Variants in LRRC74A observed in about 807,000 individuals in gnomAD.
The protein encoded by LRRC74A is leucine rich repeat containing 74A, also known as leucine-rich repeat-containing protein 74A.
A neutral mutation model predicts 57.9 loss-of-function variants in LRRC74A; 44 were observed. The ratio of observed to expected loss-of-function variants is 0.76; its 90% CI spans 0.60 to 0.98. LRRC74A has a LOEUF of 0.98. Among genes scored for constraint, LRRC74A ranks in the 50% least tolerant of loss-of-function variants. The pLI is 0.00. For synonymous variants in LRRC74A, 211 were observed against 219.4 expected, an observed-to-expected ratio of 0.96 and a Z score of 0.34; for missense variants, 572 against 574.0, an observed-to-expected ratio of 1.00 and a Z score of 0.04.
intron 11 of LRRC74A, among the ~76,000 whole-genome samples, chr14:76,864,410 A>AGGGGGGGGGGGGGG (rs533189641): frequency 2.0e-5 from 1 of 50,220 alleles, no homozygotes. Flanking sequence ...AGTGAGAGGA[A>AGGGGGGGGGGGGGG]GGGGGGGGGG....
intron 5 of LRRC74A, among the ~76,000 whole-genome samples, chr14:76,844,065 C>T (rs1383924774): frequency 6.6e-6 from 1 of 152,208 alleles, no homozygotes; most frequent in Non-Finnish European, 1.5e-5. Flanking sequence ...GTGGCACCAA[C>T]ATGGCACACT....
intron 10 of LRRC74A, among the ~76,000 whole-genome samples, chr14:76,858,067 A>C (rs1898033556): frequency 6.6e-6 from 1 of 152,172 alleles, no homozygotes; most frequent in Non-Finnish European, 1.5e-5. Context: ...TTTTTCCCAA[A>C]GTGATTTTAT....
intron 10 of LRRC74A, 34 bp downstream of exon 10, chr14:76,857,509 G>A: frequency 6.9e-7 from 1 of 1,440,550 alleles, no homozygotes; most frequent in Non-Finnish European, 9.5e-7. Flanking sequence ...TTGCGTCTGG[G>A]CACAAGCCAG....
At chr14:76,865,655 C>T (rs2140313270) in intron 11 of LRRC74A, among the ~76,000 whole-genome samples, 1 of 152,350 alleles carries the variant, frequency 6.6e-6, no homozygotes, top group African/African-American at 2.4e-5. Context: ...CCTGAACAGC[C>T]TTGACTTCAG....
At chr14:76,867,164 G>GGTGTGTGT (rs376880369) in intron 12 of LRRC74A, among the ~76,000 whole-genome samples, 192 bp from the exon 13 acceptor site, 2 of 3,284 alleles carry the variant, frequency 6.1e-4, no homozygotes, top group East Asian at 0.031. Flanking sequence ...TTGGGGGTGG[G>GGTGTGTGT]GTGTGTGGTA....
chr14:76,857,309 G>A lies in LRRC74A; in HGVS notation c.958-71G>A, dbSNP rs183984594. On this transcript the variant is annotated intron_variant, in intron 9 of 13. Transcript: ENST00000689127. Reference sequence around the variant, plus strand: ...GACAGAGGTTGTGATTTGATGAGATGTAGAAACTGTGCTCTGGGCCAGCCT... The same window carrying A: ...GACAGAGGTTGTGATTTGATGAGATATAGAAACTGTGCTCTGGGCCAGCCT... The A allele has an allele frequency of 6.5e-5, 59 of 907,806 alleles. 1 individual carries two copies. Among genetic ancestry groups the A allele is most frequent in the Non-Finnish European group, 9.6e-5 (54 of 564,538 alleles). The allele number at this position is 907,806 out of a possible 1,614,324, so 56.2% of individuals were successfully genotyped here. A position where few individuals can be genotyped will look rare whatever the true frequency, so the allele number is the denominator to read the frequency against.
chr14:76,864,480 C>T (rs1174814516), intron 11 of LRRC74A, among the ~76,000 whole-genome samples: 1 of 150,120 alleles, frequency 6.7e-6, no homozygotes, highest in African/African-American at 2.5e-5. Context: ...TAAAAAGGAC[C>T]CAAAAGAATA....
At chr14:76,857,150 A>G (rs1897961050) in intron 9 of LRRC74A, among the ~76,000 whole-genome samples, 1 of 132,612 alleles carries the variant, frequency 7.5e-6, no homozygotes, top group South Asian at 2.6e-4. Flanking sequence ...GAGCAGTGAG[A>G]TGGATAAATG....
intron 8 of LRRC74A, among the ~76,000 whole-genome samples, chr14:76,852,874 C>A (rs1897608954): frequency 6.6e-6 from 1 of 152,186 alleles, no homozygotes; most frequent in Non-Finnish European, 1.5e-5. Flanking sequence ...ACCTCAGCCT[C>A]CTAAAGTGCT....
At chr14:76,859,662 CTTTTTT>C (rs1025552496) in intron 10 of LRRC74A, among the ~76,000 whole-genome samples, 1 of 80,902 alleles carries the variant, frequency 1.2e-5, no homozygotes, top group Non-Finnish European at 2.3e-5. Flanking sequence ...CTGAATTAGC[CTTTTTT>C]TTTTTTTTTT....
chr14:76,866,471 C>G (rs924527101), intron 12 of LRRC74A, among the ~76,000 whole-genome samples: 24 of 152,212 alleles, frequency 1.6e-4, no homozygotes, highest in Non-Finnish European at 2.2e-4. Context: ...ATTCCTCTCG[C>G]TCCCCATGTA....
Position 76,829,235 on chromosome 14 carries a change from G to A in LRRC74A, c.166+816G>A. 5 of 1,270,104 alleles carry A rather than the reference G, an allele frequency of 3.9e-6. No homozygotes were observed. The South Asian group carries it at 6.2e-5, about 16-fold the overall frequency. The allele number at this position is 1,270,104 out of a possible 1,614,324, so 78.7% of individuals were successfully genotyped here. A position where few individuals can be genotyped will look rare whatever the true frequency, so the allele number is the denominator to read the frequency against. On this transcript the variant is annotated intron_variant, in intron 2 of 13. Transcript: ENST00000689127. The stretch of plus-strand genomic sequence containing the variant: ...TCCCCTGCATCCTTGCAGCTGGCTG[G>A]TGGGCAGTGATTCACAGGCAGCAGA...
Position 76,831,313 on chromosome 14 carries a change from G to A in LRRC74A, c.277G>A (p.Val93Met), listed in dbSNP as rs142627436. ...YFIRNMEESYVNLNHHGLGPR... is the reference protein window; with the variant it reads ...YFIRNMEESYMNLNHHGLGPR... ...CATTCGGAACATGGAGGAGTCCTACGTGAACCTCAACCACCACGGCCTGGG... is the reference window on the plus strand; with the variant it reads ...CATTCGGAACATGGAGGAGTCCTACATGAACCTCAACCACCACGGCCTGGG... Residue 93 changes from valine (V) to methionine (M), a missense_variant, in exon 3 of 14, where the codon GTG becomes ATG. Val to Met is a conservative substitution (Grantham distance 21, BLOSUM62 1). Coordinates refer to ENST00000689127, the MANE Select transcript of LRRC74A (RefSeq NM_001385106.1). The A allele has an allele frequency of 4.6e-3, 7,497 of 1,613,980 alleles. 25 individuals are homozygous for A. The highest frequency in any genetic ancestry group is 5.8e-3 in the Admixed American group (351 of 60,036).
At chr14:76,857,637 A>G (rs1189186442) in intron 10 of LRRC74A, among the ~76,000 whole-genome samples, 162 bp downstream of exon 10, 1 of 151,240 alleles carries the variant, frequency 6.6e-6, no homozygotes, top group Admixed American at 6.6e-5. Context: ...TGCCCTCTCC[A>G]GGGATCCTTT....
chr14:76,864,380 G>A (rs1411610996), intron 11 of LRRC74A, among the ~76,000 whole-genome samples: 6 of 130,846 alleles, frequency 4.6e-5, no homozygotes, highest in Admixed American at 8.2e-5. Flanking sequence ...ACAGTAGGAC[G>A]CTGTCTGGGA....
At chr14:76,859,390 C>T (rs1453357213) in intron 10 of LRRC74A, among the ~76,000 whole-genome samples, 3 of 152,050 alleles carry the variant, frequency 2.0e-5, no homozygotes, top group East Asian at 1.9e-4. Context: ...CAAAATTAGC[C>T]GGCCATGGTG....
At chr14:76,841,570 CCTGTTG>C in intron 5 of LRRC74A, among the ~76,000 whole-genome samples, 1 of 152,006 alleles carries the variant, frequency 6.6e-6, no homozygotes, top group South Asian at 2.1e-4. Context: ...AAAAAAAACA[CCTGTTG>C]GGGTTTTGGT....
At position 76,859,062 on chromosome 14, in the gene LRRC74A, TCTTC is replaced by T. The variant is rs527549375; in HGVS notation, c.1053+1595_1053+1598del. ...GCAGGCCCTTCTTGTGCTTCCTGGC[TCTTC>T]CTTCCTTTCCCCATCCTCATGCTCC... is the stretch of plus-strand genomic sequence containing the variant. On this transcript the variant is annotated intron_variant, in intron 10 of 13. Transcript: ENST00000689127. Among the ~76,000 whole-genome samples, 5 of 152,280 alleles carry T rather than the reference TCTTC, an allele frequency of 3.3e-5. No homozygotes were observed. The South Asian group carries it at 6.2e-4, about 19-fold the overall frequency.
rs569229482 is a variant in LRRC74A, at chr14:76,853,119, G to A, written c.763-97G>A. 6.0e-4 allele frequency: 703 copies of A among 1,165,374 alleles called. 2 individuals carry two copies. The highest frequency in any genetic ancestry group is 1.6e-3 in the Admixed American group (78 of 49,542). The allele number at this position is 1,165,374 out of a possible 1,614,324, so 72.2% of individuals were successfully genotyped here. ...CAGTCCTGGGGACCACTGAGCACCCGGTCTGGATGCCAACAGGGGGTAGAA... is the reference window on the plus strand; with the variant it reads ...CAGTCCTGGGGACCACTGAGCACCCAGTCTGGATGCCAACAGGGGGTAGAA... On this transcript the variant is annotated intron_variant, in intron 8 of 13. Coordinates refer to ENST00000689127, the MANE Select transcript of LRRC74A (RefSeq NM_001385106.1).
Sources: allele counts gnomAD v4.1 joint callset (sites outside exome capture counted in the v4.1 genomes callset), GRCh38; gene constraint gnomAD v4.1.1; transcripts MANE v1.5; gene names NCBI Gene and HGNC (gene_info 2026-07-23, HGNC 2026-07-21).